The following CDK5RAP2 variants were observed in gnomAD, a reference collection of about 807,000 sequenced individuals.
CDK5RAP2 encodes the protein CDK5 regulatory subunit-associated protein 2.
A neutral mutation model predicts 232.9 loss-of-function variants in CDK5RAP2; 147 were observed. The ratio of observed to expected loss-of-function variants is 0.63; its 90% CI spans 0.55 to 0.72. CDK5RAP2 has a LOEUF of 0.72. CDK5RAP2 is among the 30% of genes least tolerant of loss of function. The pLI is 0.00. For synonymous variants in CDK5RAP2, 833 were observed against 833.7 expected, an observed-to-expected ratio of 1.00 and a Z score of 0.01; for missense variants, 2,195 against 2,231.5, an observed-to-expected ratio of 0.98 and a Z score of 0.33.
At chr9:120,567,042 T>TA (rs1327698375) in intron 3 of CDK5RAP2, among the ~76,000 whole-genome samples, 1 of 152,210 alleles carries the variant, frequency 6.6e-6, no homozygotes, top group Non-Finnish European at 1.5e-5. Flanking sequence ...GCTTAGCACT[T>TA]AAAGTACCCA....
intron 20 of CDK5RAP2, among the ~76,000 whole-genome samples, chr9:120,458,103 T>A (rs986404425): frequency 6.6e-6 from 1 of 152,164 alleles, no homozygotes; most frequent in Non-Finnish European, 1.5e-5. Context: ...ACAACTACAA[T>A]GGTATTTTTT....
chr9:120,529,213 C>CT (rs2131910814), intron 8 of CDK5RAP2, among the ~76,000 whole-genome samples: 1 of 152,362 alleles, frequency 6.6e-6, no homozygotes, highest in Non-Finnish European at 1.5e-5. Context: ...GAAACCAAGA[C>CT]TTTCTGTGAA....
chr9:120,455,240 A>T (rs2036694406), intron 20 of CDK5RAP2, among the ~76,000 whole-genome samples: 1 of 152,170 alleles, frequency 6.6e-6, no homozygotes, highest in Non-Finnish European at 1.5e-5. Flanking sequence ...CATCAGTGAG[A>T]GGCAAGCCTC....
intron 3 of CDK5RAP2, among the ~76,000 whole-genome samples, chr9:120,556,641 C>G (rs2042240032): frequency 6.6e-6 from 1 of 152,068 alleles, no homozygotes; most frequent in Non-Finnish European, 1.5e-5. Flanking sequence ...GTTGGCCAGG[C>G]TGGTCTTGAA....
chr9:120,474,571 G>A (rs1245261182), intron 15 of CDK5RAP2, among the ~76,000 whole-genome samples: 7 of 152,166 alleles, frequency 4.6e-5, no homozygotes, highest in Non-Finnish European at 1.0e-4. Context: ...CTCAAGATGG[G>A]GAGTGTATCA....
At chr9:120,432,622 T>A (rs1444961892) in intron 25 of CDK5RAP2, among the ~76,000 whole-genome samples, 2 of 152,258 alleles carry the variant, frequency 1.3e-5, no homozygotes, top group Non-Finnish European at 2.9e-5. Context: ...GGGACTTTTA[T>A]GCTTTTTGTA....
chr9:120,406,426 C>T (rs543317178), intron 32 of CDK5RAP2: 1 of 153,536 alleles, frequency 6.5e-6, no homozygotes, highest in African/African-American at 2.4e-5. Flanking sequence ...TGTTTTTCAT[C>T]TCTAGAGCAA....
intron 3 of CDK5RAP2, among the ~76,000 whole-genome samples, chr9:120,567,146 A>G (rs2042676601): frequency 1.3e-5 from 2 of 152,236 alleles, no homozygotes; most frequent in South Asian, 2.1e-4. Flanking sequence ...TTAATTATAC[A>G]CGATGTAGAA....
chr9:120,455,611 C>T (rs2036725642), intron 20 of CDK5RAP2, among the ~76,000 whole-genome samples: 1 of 152,020 alleles, frequency 6.6e-6, no homozygotes, highest in Non-Finnish European at 1.5e-5. Context: ...GGGATGATGG[C>T]ATGTGACTGT....
intron 19 of CDK5RAP2, 50 bp downstream of exon 19, chr9:120,460,522 G>T: frequency 6.5e-7 from 1 of 1,543,314 alleles, no homozygotes; most frequent in South Asian, 1.1e-5. Flanking sequence ...AGACTGATTT[G>T]GACATAGAGT....
chr9:120,512,238 A>C (rs886230968), intron 12 of CDK5RAP2, among the ~76,000 whole-genome samples: 4 of 152,150 alleles, frequency 2.6e-5, no homozygotes. Flanking sequence ...AGTCCCAGCT[A>C]CTCAGGAGGC....
chr9:120,515,836 T>G (rs1340284171), intron 12 of CDK5RAP2, among the ~76,000 whole-genome samples: 1 of 152,190 alleles, frequency 6.6e-6, no homozygotes, highest in Non-Finnish European at 1.5e-5. Context: ...CTCACACCAG[T>G]TAGAATGGCG....
chr9:120,422,256 C>A (rs528720481), intron 26 of CDK5RAP2, among the ~76,000 whole-genome samples: 1 of 152,194 alleles, frequency 6.6e-6, no homozygotes, highest in East Asian at 1.9e-4. Flanking sequence ...AGGCAGAGTG[C>A]ACAGCTATGG....
intron 27 of CDK5RAP2, among the ~76,000 whole-genome samples, chr9:120,415,764 A>G (rs1262968167): frequency 6.6e-6 from 1 of 151,780 alleles, no homozygotes; most frequent in African/African-American, 2.4e-5. Context: ...TTATTTTCCA[A>G]TGTCTTTTAC....
At chr9:120,558,041 C>T (rs2042302970) in intron 3 of CDK5RAP2, among the ~76,000 whole-genome samples, 2 of 143,106 alleles carry the variant, frequency 1.4e-5, no homozygotes, top group Admixed American at 1.4e-4. Context: ...GCTGGGATTA[C>T]AGGCGTGAGC....
At chr9:120,485,130 G>T (rs1255337100) in intron 14 of CDK5RAP2, among the ~76,000 whole-genome samples, 1 of 151,970 alleles carries the variant, frequency 6.6e-6, no homozygotes, top group Non-Finnish European at 1.5e-5. Flanking sequence ...ACCGGGATCT[G>T]AATATTACCA....
intron 14 of CDK5RAP2, among the ~76,000 whole-genome samples, chr9:120,478,182 T>C (rs1588442544): frequency 6.6e-6 from 1 of 152,350 alleles, no homozygotes. Context: ...TGGTGGACAA[T>C]TACCACTGCC....
At chr9:120,532,929 A>T (rs78403096) in intron 7 of CDK5RAP2, among the ~76,000 whole-genome samples, 3,289 of 152,222 alleles carry the variant, frequency 0.022, 136 homozygotes, top group African/African-American at 0.076. Flanking sequence ...CCAAAAAAAG[A>T]TGAGCAATTA....
rs2033498442 is a variant in CDK5RAP2 at position 120,407,070 on chromosome 9, G to A, written c.4905C>T (p.Leu1635=). 13 of 1,614,012 alleles carry A rather than the reference G, an allele frequency of 8.1e-6. No individual in the cohort carries two copies. Among genetic ancestry groups the A allele is most frequent in the Non-Finnish European group, 1.0e-5 (12 of 1,180,034 alleles). ...RGAEKAQEGA[L]TLAVQAVSIP... ...TGGACACGGCTTGGACAGCCAGAGT[G>A]AGGGCTCCTTCCTGTGCCTTCTCTG... The change falls in exon 32 of 38, where the codon CTC becomes CTT. Residue 1635 remains leucine (L), a synonymous_variant. Transcript: ENST00000349780.
Sources: gnomAD v4.1 joint callset for allele counts (sites outside exome capture counted in the v4.1 genomes callset) on GRCh38, gnomAD v4.1.1 for gene constraint, MANE v1.5 for transcripts, NCBI Gene and HGNC (gene_info 2026-07-23, HGNC 2026-07-21) for gene names.